Variants in BEST3 observed in about 807,000 individuals in gnomAD.
BEST3 encodes the protein bestrophin 3.
A neutral mutation model predicts 47.1 loss-of-function variants in BEST3; 50 were observed. That is an observed-to-expected ratio of 1.06 (90% CI 0.85 to 1.34). BEST3 has a LOEUF of 1.34. BEST3 is among the 40% of genes most tolerant of loss of function. The probability of loss-of-function intolerance (pLI) is 0.00; values close to 1 mark genes in which losing one functional copy is unlikely to be tolerated. For missense variants in BEST3, 765 were observed against 817.0 expected (o/e 0.94, Z 0.78); for synonymous variants, 282 against 298.8 (o/e 0.94, Z 0.58).
chr12:69,687,854 AT>A (rs1885721911), intron 4 of BEST3, among the ~76,000 whole-genome samples: 1 of 152,194 alleles, frequency 6.6e-6, no homozygotes, highest in East Asian at 1.9e-4. Context: ...GTTTATGACA[AT>A]GATTAATTTA....
In BEST3 at chr12:69,654,580, C is replaced by T. The variant is rs1361905374; in HGVS notation, c.*327G>A. The stretch of plus-strand genomic sequence containing the variant: ...GGATTGGACTATGATCTATGAGACT[C>T]TTTCCACAACTAATAATCTATGAAT... On this transcript the variant is annotated 3_prime_UTR_variant, in exon 10 of 10. Transcript: ENST00000330891. 9.6e-7 allele frequency: 1 copy of T among 1,043,282 alleles called. No homozygotes were observed. Among genetic ancestry groups the T allele is most frequent in the Non-Finnish European group, 1.2e-6 (1 of 865,508 alleles). The allele number at this position is 1,043,282 out of a possible 1,614,324, so 64.6% of individuals were successfully genotyped here. A position where few individuals can be genotyped will look rare whatever the true frequency, so the allele number is the denominator to read the frequency against.
intron 4 of BEST3, chr12:69,683,675 T>C (rs184155416): frequency 6.6e-6 from 1 of 152,384 alleles, no homozygotes; most frequent in East Asian, 1.9e-4. Context: ...TGTTGATCGA[T>C]GTCTCATGTC....
chr12:69,649,057 T>C (rs1273050962), downstream of BEST3, among the ~76,000 whole-genome samples: 3 of 152,186 alleles, frequency 2.0e-5, no homozygotes, highest in Non-Finnish European at 2.9e-5. Context: ...TGCAGTAGCA[T>C]GATCTCAGTT....
At chr12:69,694,885 C>T (rs1392441804) in intron 2 of BEST3, among the ~76,000 whole-genome samples, 2 of 152,116 alleles carry the variant, frequency 1.3e-5, no homozygotes, top group Non-Finnish European at 2.9e-5. Flanking sequence ...CTGAATTTGA[C>T]ACCTTGATAT....
rs1883317020 is a variant in BEST3 at position 69,654,179 on chromosome 12, C to G, written c.*728G>C. 1 of 984,646 alleles carries G rather than the reference C, an allele frequency of 1.0e-6. No individual in the cohort carries two copies. The highest frequency in any genetic ancestry group is 1.2e-6 in the Non-Finnish European group (1 of 829,730). The allele number at this position is 984,646 out of a possible 1,614,324, so 61.0% of individuals were successfully genotyped here. A position where few individuals can be genotyped will look rare whatever the true frequency, so the allele number is the denominator to read the frequency against. ...TTTGAAATTCATGGCAAGACATAAG[C>G]AACAGATTTGGCAAGAGGAAATATT... is the stretch of plus-strand genomic sequence containing the variant. On this transcript the variant is annotated 3_prime_UTR_variant, in exon 10 of 10. Coordinates refer to ENST00000330891, the MANE Select transcript of BEST3 (RefSeq NM_032735.3).
intron 4 of BEST3, among the ~76,000 whole-genome samples, chr12:69,685,029 C>CTATTCTAT (rs754551299): frequency 2.7e-5 from 4 of 150,420 alleles, no homozygotes; most frequent in South Asian, 2.1e-4. Flanking sequence ...CTATTCTATT[C>CTATTCTAT]TATTCTATTG....
Position 69,654,157 on chromosome 12 carries a change from G to A in BEST3, c.*750C>T. ...AGGCTTTGCCAATGTCTTATATTTT[G>A]AAATTCATGGCAAGACATAAGCAAC... On this transcript the variant is annotated 3_prime_UTR_variant, in exon 10 of 10. Coordinates refer to ENST00000330891, the MANE Select transcript of BEST3 (RefSeq NM_032735.3). 1.0e-6 allele frequency: 1 copy of A among 985,184 alleles called. No homozygotes were observed. The highest frequency in any genetic ancestry group is 1.2e-6 in the Non-Finnish European group (1 of 829,866). The allele number at this position is 985,184 out of a possible 1,614,324, so 61.0% of individuals were successfully genotyped here.
At chr12:69,655,937 G>A in intron 9 of BEST3, 124 bp from the exon 10 acceptor site, 1 of 1,397,774 alleles carries the variant, frequency 7.2e-7, no homozygotes, top group Non-Finnish European at 9.4e-7. Flanking sequence ...ATGGGGGTTT[G>A]AGGACTTGAG....
Position 69,693,743 on chromosome 12 carries a change from G to A in BEST3, c.412C>T (p.Leu138Phe). The change falls in exon 4 of 10, where the codon CTC becomes TTC. Residue 138 changes from leucine to phenylalanine, a missense_variant. Leu to Phe is a conservative substitution (Grantham distance 22). Coordinates refer to ENST00000330891, the MANE Select transcript of BEST3 (RefSeq NM_032735.3). ...LMRYVNLTSL[L>F]IFRSVSTAVY... ...GCAGTGCTCACCGAGCGAAAGATGAGCAGGGAGGTGAGATTGACGTAGCGC... is the reference window on the plus strand; with the variant it reads ...GCAGTGCTCACCGAGCGAAAGATGAACAGGGAGGTGAGATTGACGTAGCGC... 1 of 1,614,208 alleles carries A rather than the reference G, an allele frequency of 6.2e-7. No homozygotes were observed. Among genetic ancestry groups the A allele is most frequent in the Non-Finnish European group, 8.5e-7 (1 of 1,180,042 alleles).
At chr12:69,644,019 A>C (rs1376823256) in intron 9 of BEST3, among the ~76,000 whole-genome samples, 1 of 152,230 alleles carries the variant, frequency 6.6e-6, no homozygotes, top group Non-Finnish European at 1.5e-5. Context: ...CACCCAAACC[A>C]GCTTTGACTA....
intron 8 of BEST3, among the ~76,000 whole-genome samples, chr12:69,671,898 T>C (rs952627495): frequency 1.3e-5 from 2 of 152,158 alleles, no homozygotes; most frequent in African/African-American, 4.8e-5. Context: ...TTGCTCACAA[T>C]TGTGGTGTTG....
intron 9 of BEST3, among the ~76,000 whole-genome samples, chr12:69,666,661 C>T (rs1275447172): frequency 1.3e-5 from 2 of 152,164 alleles, no homozygotes; most frequent in East Asian, 3.9e-4. Context: ...TCTGATTGCT[C>T]CCACCCACTC....
Position 69,671,552 on chromosome 12 carries a change from G to GCATTTCGTC in BEST3, c.967_975dup (p.Asp323_Met325dup), listed in dbSNP as rs1884576688. The GCATTTCGTC allele has an allele frequency of 1.7e-5, 27 of 1,613,716 alleles. No homozygotes were observed. Among genetic ancestry groups the GCATTTCGTC allele is most frequent in the Non-Finnish European group, 2.2e-5 (26 of 1,179,678 alleles). ...TTCTTCATCTTGGGTAAGCTCATGT[G>GCATTTCGTC]CATTTCGTCCACAGCTAAAAGAGAG... On this transcript the variant is annotated inframe_insertion, in exon 9 of 10. Coordinates refer to ENST00000330891, the MANE Select transcript of BEST3 (RefSeq NM_032735.3).
At chr12:69,649,543 T>C (rs546463206), downstream of BEST3, among the ~76,000 whole-genome samples, 186 of 152,380 alleles carry the variant, frequency 1.2e-3, 1 homozygote, top group African/African-American at 3.8e-3. Context: ...TCTCTTCTAG[T>C]TCTATTTCTT....
rs1472361285 is a variant in BEST3 at position 69,676,949 on chromosome 12, G to T, written c.834C>A (p.Leu278=). The T allele has an allele frequency of 6.2e-7, 1 of 1,614,044 alleles. No homozygotes were observed. The highest frequency in any genetic ancestry group is 2.2e-5 in the East Asian group (1 of 44,870). ...DLDLYIPIFT[L]LQFFFYAGWL... is the part of the protein sequence containing the mutation. The stretch of plus-strand genomic sequence containing the variant: ...ATCCTGCATAGAAGAAGAATTGTAG[G>T]AGGGTGAAGATGGGAATGTAAAGAT... The change falls in exon 7 of 10, where the codon CTC becomes CTA. Residue 278 remains leucine, a synonymous_variant. Transcript: ENST00000330891.
intron 9 of BEST3, chr12:69,643,929 C>G: frequency 2.0e-6 from 1 of 494,468 alleles, no homozygotes; most frequent in South Asian, 3.3e-5. Context: ...GAAGCATGGT[C>G]CCAGAACCTA....
At chr12:69,691,687 G>A (rs374074442) in intron 4 of BEST3, among the ~76,000 whole-genome samples, 2 of 152,150 alleles carry the variant, frequency 1.3e-5, no homozygotes, top group South Asian at 2.1e-4. Context: ...AGCTGCTCGG[G>A]AGTCTGAGGC....
chr12:69,693,231 TTCTC>T (rs948405001), intron 4 of BEST3, among the ~76,000 whole-genome samples: 3 of 150,438 alleles, frequency 2.0e-5, no homozygotes, highest in South Asian at 2.1e-4. Context: ...TTCCTTTTCT[TTCTC>T]TCTCTCTCTC....
In BEST3 at chr12:69,684,578, G is replaced by A. The variant is rs563770506; in HGVS notation, c.482-5685C>T. ...CTAAAAGCTCTGCATCTCAAAACTT[G>A]AAGGCAGAATGGGTTTCATGCCAGT... On this transcript the variant is annotated intron_variant, in intron 4 of 9. Transcript: ENST00000330891. The A allele has an allele frequency of 3.7e-5, 25 of 682,290 alleles. No individual in the cohort carries two copies. The African/African-American group carries it at 3.9e-4, about 11-fold the overall frequency. 42.3% of individuals were successfully genotyped at this position (682,290 alleles called of 1,614,324 possible). A position where few individuals can be genotyped will look rare whatever the true frequency, so the allele number is the denominator to read the frequency against.
Sources: allele counts gnomAD v4.1 joint callset (sites outside exome capture counted in the v4.1 genomes callset), GRCh38; gene constraint gnomAD v4.1.1; transcripts MANE v1.5; gene names NCBI Gene and HGNC (gene_info 2026-07-23, HGNC 2026-07-21).